The following ARHGAP44 variants were observed in gnomAD, a reference collection of about 807,000 sequenced individuals.
ARHGAP44 encodes the protein rho GTPase-activating protein 44.
Under a neutral mutation model 106.8 loss-of-function variants are expected in ARHGAP44, and 43 were observed. That is an observed-to-expected ratio of 0.40 (90% confidence interval 0.32 to 0.52). The LOEUF is 0.52. Ranked by LOEUF, ARHGAP44 falls within the 20% of genes least tolerant of loss-of-function variation. The probability of loss-of-function intolerance (pLI) is 0.48; values close to 1 mark genes in which losing one functional copy is unlikely to be tolerated. For missense variants in ARHGAP44, 866 were observed against 1,050.5 expected (o/e 0.82, Z 2.43); for synonymous variants, 439 against 410.3 (o/e 1.07, Z -0.85).
intron 16 of ARHGAP44, among the ~76,000 whole-genome samples, chr17:12,963,074 A>G (rs1186432764): frequency 6.7e-6 from 1 of 148,760 alleles, no homozygotes; most frequent in African/African-American, 2.5e-5. Flanking sequence ...AAAAAAAGCA[A>G]TTTCTGTTGT....
intron 19 of ARHGAP44, among the ~76,000 whole-genome samples, chr17:12,980,474 A>G (rs1024587275): frequency 2.6e-5 from 4 of 152,176 alleles, no homozygotes; most frequent in Non-Finnish European, 4.4e-5. Context: ...CCATACACCA[A>G]ATGATGCCAC....
intron 1 of ARHGAP44, among the ~76,000 whole-genome samples, chr17:12,817,690 A>G (rs1438712363): frequency 1.3e-5 from 2 of 152,092 alleles, no homozygotes; most frequent in African/African-American, 4.8e-5. Flanking sequence ...ACAACGGGAT[A>G]TCACTGCAGA....
chr17:12,878,531 A>T (rs563895705), intron 1 of ARHGAP44, among the ~76,000 whole-genome samples: 2 of 152,054 alleles, frequency 1.3e-5, no homozygotes, highest in Admixed American at 1.3e-4. Flanking sequence ...AAAATGGTGG[A>T]TAGTGCTTTT....
intron 1 of ARHGAP44, among the ~76,000 whole-genome samples, chr17:12,844,597 C>T (rs1365159124): frequency 6.6e-6 from 1 of 152,146 alleles, no homozygotes; most frequent in East Asian, 1.9e-4. Context: ...AAACTCTGTT[C>T]TCTGGTTCTT....
At chr17:12,789,918 G>C in intron 1 of ARHGAP44, 27 bp downstream of exon 1, 1 of 1,505,008 alleles carries the variant, frequency 6.6e-7, no homozygotes, top group East Asian at 2.9e-5. Context: ...CACCGCTGTC[G>C]GTGCGCGCCC....
At chr17:12,861,882 G>A (rs903337132) in intron 1 of ARHGAP44, among the ~76,000 whole-genome samples, 1 of 151,822 alleles carries the variant, frequency 6.6e-6, no homozygotes, top group African/African-American at 2.4e-5. Context: ...TGATCCACTC[G>A]CCTCAGCTTC....
intron 1 of ARHGAP44, among the ~76,000 whole-genome samples, chr17:12,842,301 T>C (rs1273661465): frequency 6.6e-6 from 1 of 150,602 alleles, no homozygotes; most frequent in African/African-American, 2.4e-5. Flanking sequence ...CCTGTAGTCC[T>C]AGCTACTCAG....
chr17:12,911,508 C>CT (rs2150943649), intron 4 of ARHGAP44, among the ~76,000 whole-genome samples: 1 of 152,300 alleles, frequency 6.6e-6, no homozygotes, highest in South Asian at 2.1e-4. Flanking sequence ...TCACGTAATG[C>CT]TTACAGTGCT....
intron 8 of ARHGAP44, among the ~76,000 whole-genome samples, chr17:12,941,538 G>A (rs1326943053): frequency 1.3e-5 from 2 of 152,184 alleles, no homozygotes; most frequent in Non-Finnish European, 2.9e-5. Flanking sequence ...AGTCCAAAAT[G>A]TCAGTAGGGC....
chr17:12,910,363 A>C (rs1185940618), intron 4 of ARHGAP44, among the ~76,000 whole-genome samples: 1 of 150,998 alleles, frequency 6.6e-6, no homozygotes, highest in Non-Finnish European at 1.5e-5. Flanking sequence ...AAAGCAAATA[A>C]ATTTTATTAA....
intron 16 of ARHGAP44, 90 bp from the exon 17 acceptor site, chr17:12,973,210 GGA>G: frequency 7.5e-7 from 1 of 1,339,608 alleles, no homozygotes; most frequent in South Asian, 1.3e-5. Context: ...CCTGGACCAT[GGA>G]GAGAGACCCC....
chr17:12,975,140 A>G (rs140324041), intron 18 of ARHGAP44, among the ~76,000 whole-genome samples: 378 of 152,212 alleles, frequency 2.5e-3, no homozygotes, highest in Non-Finnish European at 4.3e-3. Flanking sequence ...CTGAGCCACC[A>G]TGCCTAGCCT....
intron 1 of ARHGAP44, among the ~76,000 whole-genome samples, chr17:12,847,113 T>C (rs921288665): frequency 1.3e-5 from 2 of 152,182 alleles, no homozygotes; most frequent in South Asian, 2.1e-4. Flanking sequence ...ATTTTCCTAA[T>C]TTGATAGGTT....
chr17:12,841,324 C>G (rs987337370), intron 1 of ARHGAP44, among the ~76,000 whole-genome samples: 7 of 151,880 alleles, frequency 4.6e-5, no homozygotes, highest in African/African-American at 1.5e-4. Context: ...AGGGGCCAGG[C>G]ATGGTGGCTC....
chr17:12,800,599 A>G (rs1264808612), intron 1 of ARHGAP44, among the ~76,000 whole-genome samples: 1 of 152,204 alleles, frequency 6.6e-6, no homozygotes, highest in Non-Finnish European at 1.5e-5. Context: ...GTAGAAGGCA[A>G]TCCTGATACC....
chr17:12,793,794 A>G (rs1437014215), intron 1 of ARHGAP44, among the ~76,000 whole-genome samples: 3 of 151,946 alleles, frequency 2.0e-5, no homozygotes, highest in Admixed American at 6.5e-5. Context: ...ATCTTTTGTC[A>G]TTTACTTTCC....
intron 3 of ARHGAP44, among the ~76,000 whole-genome samples, chr17:12,904,392 C>A (rs914929968): frequency 6.6e-6 from 1 of 152,188 alleles, no homozygotes; most frequent in South Asian, 2.1e-4. Flanking sequence ...AGGCGTGAGC[C>A]ACGGTGCCCG....
intron 7 of ARHGAP44, among the ~76,000 whole-genome samples, chr17:12,930,950 T>C (rs117292282): frequency 1.3e-5 from 2 of 152,344 alleles, no homozygotes; most frequent in East Asian, 3.9e-4. Flanking sequence ...ATAACAGTTA[T>C]AAGGATAAGG....
At chr17:12,947,558 C>T (rs1419640205) in intron 10 of ARHGAP44, among the ~76,000 whole-genome samples, 1 of 152,206 alleles carries the variant, frequency 6.6e-6, no homozygotes, top group Non-Finnish European at 1.5e-5. Context: ...TCAACATTTC[C>T]ATGCACACTT....
Sources: allele counts gnomAD v4.1 joint callset (sites outside exome capture counted in the v4.1 genomes callset), GRCh38; gene constraint gnomAD v4.1.1; transcripts MANE v1.5; gene names NCBI Gene and HGNC (gene_info 2026-07-23, HGNC 2026-07-21).